Variants in RAP1GAP2 observed in about 807,000 individuals in gnomAD.
RAP1GAP2 encodes rap1 GTPase-activating protein 2.
In RAP1GAP2, 27 loss-of-function variants were observed where a neutral mutation model predicts 95.0. The ratio of observed to expected loss-of-function variants is 0.28; its 90% CI spans 0.21 to 0.39. The LOEUF is 0.39. Among genes scored for constraint, RAP1GAP2 ranks in the 10% least tolerant of loss-of-function variants. The pLI, the probability that RAP1GAP2 is intolerant of heterozygous loss-of-function variation, is 1.00. For synonymous variants in RAP1GAP2, 373 were observed against 380.9 expected (o/e 0.98, Z 0.24); for missense variants, 771 against 970.0 (o/e 0.79, Z 2.72).
intron 2 of RAP1GAP2, among the ~76,000 whole-genome samples, chr17:2,883,975 G>A (rs1009258197): frequency 2.6e-5 from 4 of 152,214 alleles, no homozygotes; most frequent in African/African-American, 7.2e-5. Flanking sequence ...GGTTACCCAC[G>A]TCAGTGTGAA....
intron 1 of RAP1GAP2, among the ~76,000 whole-genome samples, chr17:2,788,909 T>C (rs1418384910): frequency 6.6e-6 from 1 of 152,082 alleles, no homozygotes; most frequent in Non-Finnish European, 1.5e-5. Context: ...CAGAAACAAC[T>C]CACAGACATA....
intron 2 of RAP1GAP2, among the ~76,000 whole-genome samples, chr17:2,887,582 C>T (rs1383706538): frequency 6.6e-6 from 1 of 151,766 alleles, no homozygotes; most frequent in Non-Finnish European, 1.5e-5. Flanking sequence ...ACCATGTTAG[C>T]CAGGCTGGTC....
rs185193174 is a variant in RAP1GAP2 at position 2,939,341 on chromosome 17, C to T, written c.166-18418C>T. Reference sequence around the variant, plus strand: ...CTGACCTCAGGTGATCCACCCGCCTCGGCCTCCCAAAGTGCTGGGATGACA... The same window carrying T: ...CTGACCTCAGGTGATCCACCCGCCTTGGCCTCCCAAAGTGCTGGGATGACA... On this transcript the variant is annotated intron_variant, in intron 3 of 24. Transcript: ENST00000254695. Among the ~76,000 whole-genome samples, 482 of 152,360 alleles carry T rather than the reference C, an allele frequency of 3.2e-3. 1 individual carries two copies. Among genetic ancestry groups the T allele is most frequent in the Non-Finnish European group, 5.6e-3 (380 of 68,034 alleles).
chr17:2,831,455 C>T (rs2070849268), intron 2 of RAP1GAP2, among the ~76,000 whole-genome samples: 1 of 151,960 alleles, frequency 6.6e-6, no homozygotes, highest in African/African-American at 2.4e-5. Flanking sequence ...CTGGAGAATT[C>T]CTGTCTGACC....
At chr17:2,931,467 G>C (rs983458797) in intron 3 of RAP1GAP2, among the ~76,000 whole-genome samples, 5 of 152,314 alleles carry the variant, frequency 3.3e-5, no homozygotes, top group African/African-American at 1.2e-4. Context: ...GGCCGGGAAG[G>C]ACAGCCCATT....
intron 2 of RAP1GAP2, among the ~76,000 whole-genome samples, chr17:2,863,077 G>C (rs998633573): frequency 6.6e-6 from 1 of 151,414 alleles, no homozygotes; most frequent in Non-Finnish European, 1.5e-5. Context: ...GGTGGTGCCC[G>C]GGGTACCCTT....
chr17:2,768,340 C>G (rs1469008318), intron 1 of RAP1GAP2, among the ~76,000 whole-genome samples: 1 of 152,200 alleles, frequency 6.6e-6, no homozygotes, highest in Admixed American at 6.6e-5. Context: ...TATGGTTTCT[C>G]TCCCCACAGG....
At chr17:3,015,065 G>T (rs1198175791) in intron 17 of RAP1GAP2, among the ~76,000 whole-genome samples, 1 of 152,178 alleles carries the variant, frequency 6.6e-6, no homozygotes, top group African/African-American at 2.4e-5. Context: ...ACCTCAGTGT[G>T]CCACCACCCC....
At chr17:2,887,238 A>G (rs1234914420) in intron 2 of RAP1GAP2, among the ~76,000 whole-genome samples, 1 of 148,172 alleles carries the variant, frequency 6.7e-6, no homozygotes, top group Non-Finnish European at 1.5e-5. Flanking sequence ...TTGTATTTTT[A>G]GTAGAGACGG....
At position 2,853,888 on chromosome 17, in the gene RAP1GAP2, C is replaced by A. The variant is rs1358976467; in HGVS notation, c.81-51396C>A. The A allele has an allele frequency of 1.1e-5, 11 of 972,786 alleles. No individual in the cohort carries two copies. In the African/African-American group the frequency reaches 1.8e-4, roughly 16 times the overall value. The allele number at this position is 972,786 out of a possible 1,614,324, so 60.3% of individuals were successfully genotyped here. ...TAGGCGGGGCGGGGCCCATGCGAGG[C>A]GGAGGCCGGGGGCCGGGGCGCGGGC... On this transcript the variant is annotated intron_variant, in intron 2 of 24. Coordinates refer to ENST00000254695, the MANE Select transcript of RAP1GAP2 (RefSeq NM_015085.5).
intron 2 of RAP1GAP2, among the ~76,000 whole-genome samples, chr17:2,818,047 A>T (rs1184712063): frequency 6.6e-6 from 1 of 151,668 alleles, no homozygotes; most frequent in Non-Finnish European, 1.5e-5. Flanking sequence ...TGTGTTAGCC[A>T]GGATGGTCTC....
At chr17:2,757,126 T>A (rs1433643824) in intron 1 of RAP1GAP2, among the ~76,000 whole-genome samples, 3 of 152,162 alleles carry the variant, frequency 2.0e-5, no homozygotes, top group Non-Finnish European at 2.9e-5. Flanking sequence ...CTTTATTTAA[T>A]TCTTTTTTTT....
intron 3 of RAP1GAP2, among the ~76,000 whole-genome samples, chr17:2,925,040 G>A (rs2042908264): frequency 6.6e-6 from 1 of 152,236 alleles, no homozygotes; most frequent in South Asian, 2.1e-4. Flanking sequence ...GGGACTGTAT[G>A]TGAGTGCCCC....
chr17:2,800,651 C>T (rs548360788), intron 2 of RAP1GAP2, 101 bp downstream of exon 2: 42 of 1,283,668 alleles, frequency 3.3e-5, no homozygotes, highest in South Asian at 3.2e-4. Context: ...GAGGGGCTGT[C>T]GTGTTTGTCA....
At chr17:2,884,586 C>G (rs2073420225) in intron 2 of RAP1GAP2, among the ~76,000 whole-genome samples, 1 of 152,042 alleles carries the variant, frequency 6.6e-6, no homozygotes, top group East Asian at 1.9e-4. Flanking sequence ...GTTGCCCAGG[C>G]TGGTCTCAAA....
At chr17:2,978,324 G>T (rs530303444) in intron 8 of RAP1GAP2, among the ~76,000 whole-genome samples, 11 of 152,160 alleles carry the variant, frequency 7.2e-5, no homozygotes, top group African/African-American at 2.7e-4. Flanking sequence ...TTATTAGTAT[G>T]ATAAGGATGA....
At chr17:3,024,602 A>C (rs868670794) in intron 19 of RAP1GAP2, among the ~76,000 whole-genome samples, 2 of 152,244 alleles carry the variant, frequency 1.3e-5, no homozygotes, top group Non-Finnish European at 2.9e-5. Context: ...CCACTAGTAC[A>C]ACTAGTGTAC....
Position 2,796,610 on chromosome 17 carries a change from G to T in RAP1GAP2, c.44+39G>T. 6.5e-7 allele frequency: 1 copy of T among 1,549,994 alleles called. No individual in the cohort carries two copies. The highest frequency in any genetic ancestry group is 1.2e-5 in the South Asian group (1 of 84,044). On this transcript the variant is annotated intron_variant, in intron 1 of 24. Coordinates refer to ENST00000254695, the MANE Select transcript of RAP1GAP2 (RefSeq NM_015085.5). The surrounding 1 kb of genome is among the most constrained non-coding windows in gnomAD (Gnocchi z 4.7). ...GGGAGGGTGGGGGAATGATGGGAGA[G>T]AACTTAGAAGTGAAGTCTTGTTAAG...
chr17:2,902,411 T>C lies in RAP1GAP2; in HGVS notation c.81-2873T>C, dbSNP rs562631213. ...TTTGTATTTTTAGTAGAGACGGGGT[T>C]TCGCCACGTTGAACAGGCTGGTTTG... On this transcript the variant is annotated intron_variant, in intron 2 of 24. Coordinates refer to ENST00000254695, the MANE Select transcript of RAP1GAP2 (RefSeq NM_015085.5). This position sits in a 1 kb window ranked among gnomAD's most constrained non-coding sequence, Gnocchi z 4.1. Among the ~76,000 whole-genome samples, 6 of 152,262 alleles carry C rather than the reference T, an allele frequency of 3.9e-5. No individual in the cohort carries two copies. Among genetic ancestry groups the C allele is most frequent in the South Asian group, 2.1e-4 (1 of 4,824 alleles).
Sources: gnomAD v4.1 joint callset for allele counts (sites outside exome capture counted in the v4.1 genomes callset) on GRCh38, gnomAD v4.1.1 for gene constraint, Gnocchi (gnomAD v3.1) non-coding constraint, MANE v1.5 for transcripts, NCBI Gene and HGNC (gene_info 2026-07-23, HGNC 2026-07-21) for gene names.